The following TUT4 variants were observed in gnomAD, a reference collection of about 807,000 sequenced individuals.
The protein encoded by TUT4 is terminal uridylyl transferase 4.
A neutral mutation model predicts 192.2 loss-of-function variants in TUT4; 36 were observed. That is an observed-to-expected ratio of 0.19 (90% confidence interval 0.14 to 0.25). The LOEUF is 0.25. Ranked by LOEUF, TUT4 falls within the 10% of genes least tolerant of loss-of-function variation. The pLI is 1.00. For synonymous variants in TUT4, 618 were observed against 666.0 expected (o/e 0.93, Z 1.11); for missense variants, 1,493 against 1,957.2 (o/e 0.76, Z 4.47).
intron 2 of TUT4, among the ~76,000 whole-genome samples, chr1:52,524,972 G>A (rs1168671640): frequency 1.3e-5 from 2 of 152,156 alleles, no homozygotes; most frequent in Non-Finnish European, 2.9e-5. Context: ...CTAAGTCTCA[G>A]TAATACTCAG....
chr1:52,471,835 CTATT>C, intron 14 of TUT4, 113 bp downstream of exon 14: 1 of 1,057,248 alleles, frequency 9.5e-7, no homozygotes, highest in East Asian at 2.7e-5. Flanking sequence ...GCTTGGGTAT[CTATT>C]CAAAAACCTC....
At chr1:52,481,369 A>G (rs1192191949) in intron 11 of TUT4, 54 bp downstream of exon 11, 2 of 1,564,950 alleles carry the variant, frequency 1.3e-6, no homozygotes, top group African/African-American at 2.7e-5. Context: ...CAATCGAAGA[A>G]TATCACAAAT....
At chr1:52,553,437 A>T (rs1249540351), upstream of TUT4, 2 of 150,492 alleles carry the variant, frequency 1.3e-5, no homozygotes, top group African/African-American at 4.9e-5. Context: ...ACTCACACCC[A>T]CGCGGAGGGA....
rs370983816 is a variant in TUT4, at chr1:52,477,950, G to C, written c.1849-68C>G. The C allele has an allele frequency of 1.2e-3, 1,736 of 1,411,484 alleles. 38 individuals carry two copies. The South Asian group carries it at 0.026, about 21-fold the overall frequency. The allele number at this position is 1,411,484 out of a possible 1,614,324, so 87.4% of individuals were successfully genotyped here. A position where few individuals can be genotyped will look rare whatever the true frequency, so the allele number is the denominator to read the frequency against. ...ATAAAAATCAACAAATTTTCAGTTA[G>C]AGAAGACCTTGGAGATCACGTTTTC... On this transcript the variant is annotated intron_variant, in intron 11 of 29. Coordinates refer to ENST00000257177, the MANE Select transcript of TUT4 (RefSeq NM_001009881.3).
Position 52,481,459 on chromosome 1 carries a change from G to A in TUT4, c.1812C>T (p.Asp604=). ...TTTCCTTCATGGCATTACTTTGGTT[G>A]TCTGTTTCTGTCTTCTTGGTATCAT... ...PKDDTKKTET[D]NQSNAMKEKH... is the part of the protein sequence containing the mutation. The change falls in exon 11 of 30, where the codon GAC becomes GAT. Residue 604 remains aspartate (D), a synonymous_variant. Coordinates refer to ENST00000257177, the MANE Select transcript of TUT4 (RefSeq NM_001009881.3). 1 of 1,613,964 alleles carries A rather than the reference G, an allele frequency of 6.2e-7. No individual in the cohort carries two copies.
intron 28 of TUT4, among the ~76,000 whole-genome samples, chr1:52,426,462 TCA>T (rs1293835033): frequency 6.6e-6 from 1 of 152,118 alleles, no homozygotes; most frequent in East Asian, 1.9e-4. Flanking sequence ...TCATTCAGAG[TCA>T]CAGTGTGCTA....
At chr1:52,536,367 G>C (rs979260680) in intron 1 of TUT4, among the ~76,000 whole-genome samples, 4 of 151,902 alleles carry the variant, frequency 2.6e-5, no homozygotes, top group African/African-American at 9.7e-5. Flanking sequence ...CATCCACTAA[G>C]AAAGTAACAC....
chr1:52,439,592 G>A (rs757851814), intron 24 of TUT4, among the ~76,000 whole-genome samples: 12 of 152,130 alleles, frequency 7.9e-5, no homozygotes, highest in South Asian at 2.1e-4. Context: ...TAAGAGACAC[G>A]CCCAATAAGA....
rs1298751467 is a variant in TUT4, at chr1:52,475,469, A to C, written c.2090T>G (p.Val697Gly). The change falls in exon 13 of 30, where the codon GTG becomes GGG. Residue 697 changes from valine (V) to glycine (G), a missense_variant. Physicochemically the swap from Val to Gly is moderately radical, Grantham distance 109 (BLOSUM62 -3). Transcript: ENST00000257177. ...CCGATAAGCTGCCCTAAATCTCTCC[A>C]CAACATATTCGTAAACCAGCTGGCT... ...LNSQLVYEYV[V>G]ERFRAAYRYF... 1 of 1,614,058 alleles carries C rather than the reference A, an allele frequency of 6.2e-7. No homozygotes were observed. Among genetic ancestry groups the C allele is most frequent in the Admixed American group, 1.7e-5 (1 of 60,018 alleles).
intron 1 of TUT4, among the ~76,000 whole-genome samples, chr1:52,552,526 G>A (rs1344628871): frequency 6.6e-6 from 1 of 152,224 alleles, no homozygotes; most frequent in Non-Finnish European, 1.5e-5. Flanking sequence ...AAGGGTGAAA[G>A]AAAAAGGTAC....
chr1:52,524,604 A>T (rs1681206170), intron 2 of TUT4, among the ~76,000 whole-genome samples: 1 of 152,096 alleles, frequency 6.6e-6, no homozygotes, highest in African/African-American at 2.4e-5. Flanking sequence ...TCAGGAGTTC[A>T]AGAACAGCCT....
chr1:52,535,976 C>T (rs564990629), intron 1 of TUT4, among the ~76,000 whole-genome samples: 5 of 152,168 alleles, frequency 3.3e-5, no homozygotes, highest in African/African-American at 4.8e-5. Context: ...AAAGTTCATT[C>T]TGCCGTACAA....
At chr1:52,475,618 TA>T (rs1428559536) in intron 12 of TUT4, 83 bp from the exon 13 acceptor site, 1 of 1,248,076 alleles carries the variant, frequency 8.0e-7, no homozygotes, top group African/African-American at 1.5e-5. Context: ...TCTTAACTGA[TA>T]AACTGTCAGG....
At chr1:52,443,384 C>T (rs1393691435) in intron 24 of TUT4, among the ~76,000 whole-genome samples, 2 of 151,686 alleles carry the variant, frequency 1.3e-5, no homozygotes, top group African/African-American at 4.8e-5. Context: ...ATTGGGAGTT[C>T]AACACCAACC....
chr1:52,518,331 A>G (rs938158539), intron 2 of TUT4, among the ~76,000 whole-genome samples: 3 of 152,226 alleles, frequency 2.0e-5, no homozygotes, highest in African/African-American at 7.2e-5. Flanking sequence ...TTATTTTCTC[A>G]TAGTTCTGGA....
chr1:52,509,676 T>C lies in TUT4; in HGVS notation c.919A>G (p.Lys307Glu). Residue 307 changes from lysine (K) to glutamate (E), a missense_variant, in exon 4 of 30, where the codon AAA becomes GAA. Around this residue, in one of 7 missense-constraint regions of TUT4, gnomAD observed 437 missense variants for 577.6 expected, o/e 0.76. Coordinates refer to ENST00000257177, the MANE Select transcript of TUT4 (RefSeq NM_001009881.3). ...PEYTNCRYLCKLCLIHIENIQ... is the reference protein window; with the variant it reads ...PEYTNCRYLCELCLIHIENIQ... ...TTTTCAATGTGAATTAAGCAAAGTT[T>C]GCATAGATACCGACAATTGGTATAT... The C allele has an allele frequency of 6.2e-7, 1 of 1,612,368 alleles. No homozygotes were observed. Among genetic ancestry groups the C allele is most frequent in the Non-Finnish European group, 8.5e-7 (1 of 1,178,714 alleles).
intron 15 of TUT4, among the ~76,000 whole-genome samples, chr1:52,465,752 T>G (rs1486762853): frequency 1.3e-5 from 2 of 152,220 alleles, no homozygotes; most frequent in African/African-American, 2.4e-5. Context: ...CAAAAATGAG[T>G]GATTATAGTC....
chr1:52,491,455 C>T (rs183219856), intron 7 of TUT4, among the ~76,000 whole-genome samples: 48 of 151,948 alleles, frequency 3.2e-4, no homozygotes, highest in African/African-American at 9.2e-4. Flanking sequence ...TTTGGGAGGC[C>T]GAGGTGGGTG....
chr1:52,515,532 G>A (rs1227749718), intron 3 of TUT4: 1 of 345,946 alleles, frequency 2.9e-6, no homozygotes, highest in Non-Finnish European at 5.2e-6. Flanking sequence ...TAGCATGAAA[G>A]TAGCCATAAA....
Sources: allele counts gnomAD v4.1 joint callset (sites outside exome capture counted in the v4.1 genomes callset), GRCh38; gene constraint gnomAD v4.1.1; regional missense constraint gnomAD v4.1.1; transcripts MANE v1.5; gene names NCBI Gene and HGNC (gene_info 2026-07-23, HGNC 2026-07-21).